SLC66A1: variants seen among roughly 807,000 people sequenced by gnomAD.
SLC66A1 encodes lysosomal amino acid transporter 1 homolog.
Under a neutral mutation model 33.0 loss-of-function variants are expected in SLC66A1, and 23 were observed. The ratio of observed to expected loss-of-function variants is 0.70; its 90% CI spans 0.50 to 0.99. The LOEUF (loss-of-function observed/expected upper bound fraction) is 0.99, where lower values mean the gene tolerates loss of function less well. Among genes scored for constraint, SLC66A1 ranks in the 50% least tolerant of loss-of-function variants. The pLI is 0.00. For synonymous variants in SLC66A1, 164 were observed against 175.5 expected, an observed-to-expected ratio of 0.93 and a Z score of 0.52; for missense variants, 335 against 383.6, an observed-to-expected ratio of 0.87 and a Z score of 1.06.
chr1:19,325,698 A>G, intron 4 of SLC66A1, 116 bp downstream of exon 4: 1 of 885,050 alleles, frequency 1.1e-6, no homozygotes, highest in Non-Finnish European at 1.7e-6. Context: ...TGATAACCCA[A>G]ACCTCGGAAA....
chr1:19,324,735 C>T lies in SLC66A1; in HGVS notation c.267C>T (p.Ser89=). The change falls in exon 3 of 8, where the codon TCC becomes TCT. Residue 89 remains serine (S), a synonymous_variant. Transcript: ENST00000375153. ...GAGACTCCTGCAACCTCATCGGCTC[C>T]TTCCTTGCTGACCAGCTGCCCCTGC... ...IGGDSCNLIG[S]FLADQLPLQT... 1 of 1,614,196 alleles carries T rather than the reference C, an allele frequency of 6.2e-7. No homozygotes were observed. The highest frequency in any genetic ancestry group is 1.1e-5 in the South Asian group (1 of 91,088).
chr1:19,320,230 G>T (rs1444813225), intron 2 of SLC66A1, among the ~76,000 whole-genome samples: 1 of 151,800 alleles, frequency 6.6e-6, no homozygotes, highest in Non-Finnish European at 1.5e-5. Context: ...GGGGAAATAT[G>T]TTTTTATTTC....
chr1:19,333,412 G>C (rs2093897441), downstream of SLC66A1, among the ~76,000 whole-genome samples: 2 of 152,070 alleles, frequency 1.3e-5, no homozygotes, highest in South Asian at 4.1e-4. The surrounding 1 kb of genome is among the most constrained non-coding windows in gnomAD (Gnocchi z 4.2). Flanking sequence ...AAACTCCTAA[G>C]CTCAAGTGAT....
chr1:19,314,355 C>T (rs1474432656), intron 1 of SLC66A1, among the ~76,000 whole-genome samples: 1 of 152,180 alleles, frequency 6.6e-6, no homozygotes, highest in Admixed American at 6.5e-5. Context: ...ATTTCATTTC[C>T]TCCTTAACCT....
chr1:19,315,222 A>G (rs1226516605), intron 1 of SLC66A1, among the ~76,000 whole-genome samples: 1 of 152,106 alleles, frequency 6.6e-6, no homozygotes, highest in African/African-American at 2.4e-5. Context: ...CCTGGACTAT[A>G]TGTTAATTTG....
At chr1:19,325,670 G>C (rs970632274) in intron 4 of SLC66A1, 88 bp downstream of exon 4, 2 of 1,161,500 alleles carry the variant, frequency 1.7e-6, no homozygotes, top group East Asian at 5.0e-5. Flanking sequence ...GGGAGGAAGC[G>C]GGTTTCCCAT....
downstream of SLC66A1, among the ~76,000 whole-genome samples, chr1:19,331,440 A>G (rs1200297000): frequency 6.6e-6 from 1 of 152,114 alleles, no homozygotes; most frequent in Non-Finnish European, 1.5e-5. Flanking sequence ...CACCTGGCCA[A>G]CGCTGGCGGC....
chr1:19,320,669 C>T (rs375408671), intron 2 of SLC66A1, among the ~76,000 whole-genome samples: 3 of 151,732 alleles, frequency 2.0e-5, no homozygotes, highest in Non-Finnish European at 4.4e-5. Flanking sequence ...CCCGCCTTGG[C>T]CTCCCAAAGT....
At position 19,312,338 on chromosome 1, in the gene SLC66A1, C is replaced by G. The variant is rs1217787044; in HGVS notation, c.-630C>G. The G allele has an allele frequency of 3.6e-6, 1 of 277,474 alleles. No homozygotes were observed. The highest frequency in any genetic ancestry group is 7.6e-5 in the East Asian group (1 of 13,140). The allele number at this position is 277,474 out of a possible 1,614,324, so 17.2% of individuals were successfully genotyped here. A position where few individuals can be genotyped will look rare whatever the true frequency, so the allele number is the denominator to read the frequency against. ...CGGGCCTTGACCCAGAAGCTGGGCCCTGGCGGCGGATCTGGACGTGGTGAG... is the reference window on the plus strand; with the variant it reads ...CGGGCCTTGACCCAGAAGCTGGGCCGTGGCGGCGGATCTGGACGTGGTGAG... On this transcript the variant is annotated 5_prime_UTR_variant, in exon 1 of 8. Coordinates refer to ENST00000375153, the MANE Select transcript of SLC66A1 (RefSeq NM_001040125.2).
intron 4 of SLC66A1, 60 bp downstream of exon 4, chr1:19,325,642 G>GC (rs199617653): frequency 6.1e-6 from 8 of 1,301,176 alleles, no homozygotes; most frequent in East Asian, 2.4e-5. Flanking sequence ...CAGTTGTGGG[G>GC]GGGGGCGCCT....
intron 2 of SLC66A1, among the ~76,000 whole-genome samples, chr1:19,320,706 C>T (rs920485191): frequency 2.7e-5 from 4 of 149,824 alleles, no homozygotes; most frequent in Non-Finnish European, 5.9e-5. Flanking sequence ...TGAGCCACCG[C>T]ACCTGGCCTC....
intron 2 of SLC66A1, among the ~76,000 whole-genome samples, chr1:19,320,499 T>C (rs1017566982): frequency 8.7e-5 from 13 of 149,134 alleles, no homozygotes; most frequent in South Asian, 2.2e-4. Context: ...CTGCAAGCTC[T>C]GCCTTCCGGG....
At chr1:19,324,866 C>T in intron 3 of SLC66A1, 104 bp downstream of exon 3, 1 of 1,429,410 alleles carries the variant, frequency 7.0e-7, no homozygotes, top group Non-Finnish European at 9.4e-7. Context: ...GTCTCCAGAA[C>T]CCTGACCCGT....
At chr1:19,326,497 T>C in intron 5 of SLC66A1, 34 bp from the exon 6 acceptor site, 2 of 1,614,028 alleles carry the variant, frequency 1.2e-6, no homozygotes, top group Non-Finnish European at 1.7e-6. Context: ...CTCTGGCTCC[T>C]ACGAGACACC....
intron 2 of SLC66A1, among the ~76,000 whole-genome samples, chr1:19,323,757 G>T (rs1455036526): frequency 6.6e-6 from 1 of 152,194 alleles, no homozygotes; most frequent in African/African-American, 2.4e-5. Flanking sequence ...CATGCAGGTG[G>T]TTAAAGAGAA....
intron 1 of SLC66A1, among the ~76,000 whole-genome samples, chr1:19,316,530 A>G (rs1000599480): frequency 4.0e-5 from 6 of 150,112 alleles, no homozygotes; most frequent in Non-Finnish European, 7.4e-5. Flanking sequence ...AGCTGGGACT[A>G]CAAGCGTGTG....
downstream of SLC66A1, among the ~76,000 whole-genome samples, chr1:19,331,157 G>A (rs544896676): frequency 3.3e-5 from 5 of 152,126 alleles, no homozygotes; most frequent in South Asian, 2.1e-4. Context: ...GATTACAGGC[G>A]CCTGCCGCCA....
Position 19,327,419 on chromosome 1 carries a change from T to G in SLC66A1, c.804+7T>G. The G allele has an allele frequency of 6.3e-7, 1 of 1,579,796 alleles. No individual in the cohort carries two copies. The highest frequency in any genetic ancestry group is 8.6e-7 in the Non-Finnish European group (1 of 1,160,946). ...GCTGCTGCTCGACACCATCGTATCC[T>G]TCAGGGCGTGTGGGGCAGGTGGCGG... On this transcript the variant is annotated splice_region_variant and intron_variant, in intron 7 of 7. Transcript: ENST00000375153.
downstream of SLC66A1, among the ~76,000 whole-genome samples, chr1:19,332,032 GA>G (rs1280310961): frequency 6.6e-6 from 1 of 152,182 alleles, no homozygotes; most frequent in Admixed American, 6.6e-5. Context: ...CCTACCTTCA[GA>G]GAGCACCTGG....
Sources: allele counts gnomAD v4.1 joint callset (sites outside exome capture counted in the v4.1 genomes callset), GRCh38; gene constraint gnomAD v4.1.1; non-coding constraint Gnocchi (gnomAD v3.1); transcripts MANE v1.5; gene names NCBI Gene and HGNC (gene_info 2026-07-23, HGNC 2026-07-21).